MRE11: variants seen among roughly 807,000 people sequenced by gnomAD.
MRE11 encodes the protein MRE11 double strand break repair nuclease.
Under a neutral mutation model 91.7 loss-of-function variants are expected in MRE11, and 62 were observed. That is an observed-to-expected ratio of 0.68 (90% CI 0.55 to 0.84). The LOEUF is 0.84. MRE11 is among the 40% of genes least tolerant of loss of function. The pLI is 0.00. For synonymous variants in MRE11, 273 were observed against 271.4 expected (o/e 1.01, Z -0.06); for missense variants, 796 against 852.9 (o/e 0.93, Z 0.83).
chr11:94,459,432 G>A lies in MRE11; in HGVS notation c.1476C>T (p.Ala492=), dbSNP rs370397034. ...QRFLKERHID[A]LEDKIDEEVR... ...CCTCCTCATCGATTTTGTCTTCGAG[G>A]GCATCAATATGACGTTCTTTAAGAA... The change falls in exon 13 of 20, where the codon GCC becomes GCT. Residue 492 remains alanine (A), a synonymous_variant. Coordinates refer to ENST00000323929, the MANE Select transcript of MRE11 (RefSeq NM_005591.4). 8.1e-6 allele frequency: 13 copies of A among 1,613,718 alleles called. No individual in the cohort carries two copies. The highest frequency in any genetic ancestry group is 1.7e-5 in the Admixed American group (1 of 59,980).
upstream of MRE11, chr11:94,497,061 G>C: frequency 7.0e-7 from 1 of 1,420,400 alleles, no homozygotes; most frequent in Non-Finnish European, 9.8e-7. Flanking sequence ...TTGATTGTGA[G>C]GACCAAATGA....
chr11:94,419,300 G>A lies in MRE11; in HGVS notation c.*825C>T, dbSNP rs1207273770. The A allele has an allele frequency of 4.3e-6, 1 of 232,798 alleles. No homozygotes were observed. Among genetic ancestry groups the A allele is most frequent in the African/African-American group, 2.2e-5 (1 of 45,302 alleles). 14.4% of individuals were successfully genotyped at this position (232,798 alleles called of 1,614,324 possible). ...ATTAAATATATTTCTATACTTTACT[G>A]TAAGGTTCAACTGACCACTCTACCT... On this transcript the variant is annotated 3_prime_UTR_variant, in exon 20 of 20. Coordinates refer to ENST00000323929, the MANE Select transcript of MRE11 (RefSeq NM_005591.4).
At chr11:94,470,083 A>G (rs1274693220) in intron 9 of MRE11, among the ~76,000 whole-genome samples, 1 of 152,126 alleles carries the variant, frequency 6.6e-6, no homozygotes, top group Non-Finnish European at 1.5e-5. Context: ...CGCCTAATAC[A>G]GATTATTAGA....
At chr11:94,464,010 T>A in intron 11 of MRE11, 103 bp downstream of exon 11, 1 of 1,284,640 alleles carries the variant, frequency 7.8e-7, no homozygotes, top group Non-Finnish European at 1.1e-6. Flanking sequence ...GACATTACAA[T>A]CATATTAAAA....
intron 16 of MRE11, among the ~76,000 whole-genome samples, chr11:94,440,575 C>T (rs1945752278): frequency 6.6e-6 from 1 of 152,096 alleles, no homozygotes; most frequent in Admixed American, 6.6e-5. Flanking sequence ...AAAATGTTAA[C>T]ATTGGTTTTG....
At chr11:94,422,788 A>G (rs1283143597) in intron 19 of MRE11, among the ~76,000 whole-genome samples, 1 of 151,626 alleles carries the variant, frequency 6.6e-6, no homozygotes, top group Non-Finnish European at 1.5e-5. Flanking sequence ...ATCTTGGCTC[A>G]CTGCAACCTC....
the MRE11 span, among the ~76,000 whole-genome samples, chr11:94,504,858 C>T: frequency 2.6e-5 from 4 of 152,028 alleles, no homozygotes; most frequent in Admixed American, 2.6e-4. Flanking sequence ...TATAAGAAAA[C>T]TTTAGTCTTG....
intron 13 of MRE11, among the ~76,000 whole-genome samples, chr11:94,458,047 A>T (rs1320174484): frequency 6.6e-6 from 1 of 152,080 alleles, no homozygotes; most frequent in Non-Finnish European, 1.5e-5. Context: ...AGAGTCATAG[A>T]GTGAATGGTT....
Position 94,420,100 on chromosome 11 carries a change from A to T in MRE11, c.*25T>A. 1 of 1,520,420 alleles carries T rather than the reference A, an allele frequency of 6.6e-7. No homozygotes were observed. The highest frequency in any genetic ancestry group is 9.1e-7 in the Non-Finnish European group (1 of 1,100,056). The allele number at this position is 1,520,420 out of a possible 1,614,324, so 94.2% of individuals were successfully genotyped here. A position where few individuals can be genotyped will look rare whatever the true frequency, so the allele number is the denominator to read the frequency against. ...CATTTTCATTTTTCCTGTATCTTGCATGTTTCTCAGTGCCATTAAATATAT... is the reference window on the plus strand; with the variant it reads ...CATTTTCATTTTTCCTGTATCTTGCTTGTTTCTCAGTGCCATTAAATATAT... On this transcript the variant is annotated 3_prime_UTR_variant, in exon 20 of 20. Coordinates refer to ENST00000323929, the MANE Select transcript of MRE11 (RefSeq NM_005591.4).
rs13447609 is a variant in MRE11, at chr11:94,479,989, C to G, written c.315-228G>C. 3.4e-3 allele frequency among the ~76,000 whole-genome samples: 514 copies of G among 152,270 alleles called. 12 individuals carry two copies. The East Asian group carries it at 0.059, about 18-fold the overall frequency. On this transcript the variant is annotated intron_variant, in intron 4 of 19. Coordinates refer to ENST00000323929, the MANE Select transcript of MRE11 (RefSeq NM_005591.4). ...TTAAAGAAACCCCAACTATAATAAA[C>G]AGTGCTTGTGGTATGTATGAGTAGT...
chr11:94,487,439 A>G (rs954059986), intron 3 of MRE11, among the ~76,000 whole-genome samples: 2 of 152,240 alleles, frequency 1.3e-5, no homozygotes, highest in African/African-American at 2.4e-5. Flanking sequence ...GGAAGATTCT[A>G]TAAAATAACT....
chr11:94,454,481 T>A (rs767494544), intron 14 of MRE11, among the ~76,000 whole-genome samples: 2 of 152,150 alleles, frequency 1.3e-5, no homozygotes, highest in Non-Finnish European at 2.9e-5. Context: ...CTAAGCCAAA[T>A]GATTCTGCAA....
chr11:94,473,720 G>C (rs1022561544), intron 7 of MRE11: 3 of 152,088 alleles, frequency 2.0e-5, no homozygotes, highest in Admixed American at 1.3e-4. Flanking sequence ...GATACAGAAA[G>C]GCTAAAGACT....
upstream of MRE11, among the ~76,000 whole-genome samples, chr11:94,495,233 A>G (rs1947396852): frequency 6.6e-6 from 1 of 152,224 alleles, no homozygotes; most frequent in Non-Finnish European, 1.5e-5. Context: ...TCAAGAAATC[A>G]GTATCTTGGG....
At position 94,456,334 on chromosome 11, in the gene MRE11, C is replaced by T. The variant is rs767097795; in HGVS notation, c.1505G>A (p.Arg502His). Residue 502 changes from arginine (R) to histidine (H), a missense_variant, in exon 14 of 20, where the codon CGT becomes CAT. Physicochemically the swap from Arg to His is conservative, Grantham distance 29. Coordinates refer to ENST00000323929, the MANE Select transcript of MRE11 (RefSeq NM_005591.4). ...TTTTTGTCTGGTTTCTCTGAAACGACGTACCTAGATCATAACAGAGTAAAT... is the reference window on the plus strand; with the variant it reads ...TTTTTGTCTGGTTTCTCTGAAACGATGTACCTAGATCATAACAGAGTAAAT... ...ALEDKIDEEV[R>H]RFRETRQKNT... 10 of 1,611,898 alleles carry T rather than the reference C, an allele frequency of 6.2e-6. 1 individual carries two copies. In the South Asian group the frequency reaches 7.7e-5, roughly 12 times the overall value.
At chr11:94,494,279 C>T (rs1947376304), upstream of MRE11, 1 of 152,350 alleles carries the variant, frequency 6.6e-6, no homozygotes, top group African/African-American at 2.4e-5. Flanking sequence ...TGGATCCCCT[C>T]TCCCTCCCTC....
the MRE11 span, among the ~76,000 whole-genome samples, chr11:94,508,344 AG>A: frequency 3.9e-5 from 6 of 152,310 alleles, no homozygotes; most frequent in African/African-American, 1.4e-4. Context: ...TCTACTCCAA[AG>A]GGTAGACATG....
chr11:94,503,274 T>G, the MRE11 span, among the ~76,000 whole-genome samples: 8 of 152,204 alleles, frequency 5.3e-5, no homozygotes, highest in Non-Finnish European at 1.2e-4. Context: ...ACTCTCTGTT[T>G]CTAGGAGCAT....
the MRE11 span, among the ~76,000 whole-genome samples, chr11:94,501,488 A>G: frequency 6.6e-6 from 1 of 152,190 alleles, no homozygotes. Context: ...TACATCCAAA[A>G]TATGAGATAT....
Sources: allele counts gnomAD v4.1 joint callset (sites outside exome capture counted in the v4.1 genomes callset), GRCh38; gene constraint gnomAD v4.1.1; transcripts MANE v1.5; gene names NCBI Gene and HGNC (gene_info 2026-07-23, HGNC 2026-07-21).